USP6NL: variants seen among roughly 807,000 people sequenced by gnomAD.
USP6NL encodes the protein USP6 N-terminal-like protein.
USP6NL carries 26 observed loss-of-function variants against 61.9 expected under a neutral mutation model. The observed-to-expected ratio is 0.42, with a 90% CI of 0.31 to 0.58. USP6NL has a LOEUF of 0.58. Ranked by LOEUF, USP6NL falls within the 20% of genes least tolerant of loss-of-function variation. USP6NL has a pLI of 0.16. For synonymous variants in USP6NL, 432 were observed against 390.1 expected, an observed-to-expected ratio of 1.11 and a Z score of -1.27; for missense variants, 1,114 against 1,034.3, an observed-to-expected ratio of 1.08 and a Z score of -1.06.
rs907241999 is a variant in USP6NL at position 11,487,289 on chromosome 10, A to T, written c.665-1378T>A. On this transcript the variant is annotated intron_variant, in intron 10 of 14. Transcript: ENST00000609104. The surrounding 1 kb of genome is among the most constrained non-coding windows in gnomAD (Gnocchi z 4.2). ...CATTTATAAGTGAAACCACCTTCACACTAGAAAGTAACCTTTAGTTATAAA... is the reference window on the plus strand; with the variant it reads ...CATTTATAAGTGAAACCACCTTCACTCTAGAAAGTAACCTTTAGTTATAAA... 1.3e-5 allele frequency among the ~76,000 whole-genome samples: 2 copies of T among 152,226 alleles called. No homozygotes were observed. Among genetic ancestry groups the T allele is most frequent in the Non-Finnish European group, 2.9e-5 (2 of 68,038 alleles).
intron 7 of USP6NL, among the ~76,000 whole-genome samples, chr10:11,494,218 T>C (rs1259474156): frequency 6.6e-6 from 1 of 152,218 alleles, no homozygotes; most frequent in Non-Finnish European, 1.5e-5. Flanking sequence ...ATTCTGTTTC[T>C]TTATGTGCAA....
Position 11,584,625 on chromosome 10 carries a change from G to A in USP6NL, c.4+13006C>T, listed in dbSNP as rs371689442. Among the ~76,000 whole-genome samples, 8 of 152,114 alleles carry A rather than the reference G, an allele frequency of 5.3e-5. No homozygotes were observed. The East Asian group carries it at 9.7e-4, about 18-fold the overall frequency. On this transcript the variant is annotated intron_variant, in intron 2 of 14. Transcript: ENST00000609104. ...ATCTCTCCTCTGACCATCACAAAATGGTACATGTCTCAAAATAAAACTATA... is the reference window on the plus strand; with the variant it reads ...ATCTCTCCTCTGACCATCACAAAATAGTACATGTCTCAAAATAAAACTATA...
intron 1 of USP6NL, among the ~76,000 whole-genome samples, chr10:11,603,583 G>T (rs1838620235): frequency 6.6e-6 from 1 of 152,144 alleles, no homozygotes; most frequent in Admixed American, 6.5e-5. Context: ...ACAAAGAAAA[G>T]AGTAAATAAT....
chr10:11,466,595 A>C (rs1365149227), intron 14 of USP6NL, among the ~76,000 whole-genome samples: 1 of 152,256 alleles, frequency 6.6e-6, no homozygotes, highest in Non-Finnish European at 1.5e-5. Flanking sequence ...CGACATATAG[A>C]AGATGCTTAG....
intron 2 of USP6NL, among the ~76,000 whole-genome samples, chr10:11,555,433 A>AAAAAAAAAAAAAAAAT (rs1275798295): frequency 2.0e-5 from 1 of 49,040 alleles, no homozygotes; most frequent in Non-Finnish European, 3.4e-5. Flanking sequence ...AAAAAAAAAA[A>AAAAAAAAAAAAAAAAT]ATATATATAT....
chr10:11,472,135 C>T lies in USP6NL; in HGVS notation c.1079-8286G>A, dbSNP rs11257112. 2.0e-5 allele frequency among the ~76,000 whole-genome samples: 3 copies of T among 152,196 alleles called. No homozygotes were observed. In the East Asian group the frequency reaches 5.8e-4, roughly 29 times the overall value. On this transcript the variant is annotated intron_variant, in intron 14 of 14. Transcript: ENST00000609104. The stretch of plus-strand genomic sequence containing the variant: ...CGGCAGTGCTAACAATTAGAATAAT[C>T]GCTTCAACAAAAAGGAATGTAACTT...
chr10:11,500,245 T>C (rs577526629), intron 7 of USP6NL, among the ~76,000 whole-genome samples: 2 of 152,232 alleles, frequency 1.3e-5, no homozygotes, highest in South Asian at 4.1e-4. Flanking sequence ...GGTGATGGGA[T>C]GATCTATGCA....
intron 7 of USP6NL, among the ~76,000 whole-genome samples, chr10:11,500,005 A>G (rs1834109631): frequency 6.6e-6 from 1 of 152,198 alleles, no homozygotes; most frequent in Admixed American, 6.5e-5. Flanking sequence ...CTCAGACATC[A>G]TGTCCTTTGC....
intron 14 of USP6NL, among the ~76,000 whole-genome samples, chr10:11,471,151 C>G (rs1832726558): frequency 6.6e-6 from 1 of 152,132 alleles, no homozygotes; most frequent in African/African-American, 2.4e-5. Flanking sequence ...CCACTGCACT[C>G]CAGCCTGGGC....
intron 2 of USP6NL, among the ~76,000 whole-genome samples, chr10:11,544,894 G>A (rs1382349037): frequency 6.6e-6 from 1 of 152,150 alleles, no homozygotes; most frequent in Non-Finnish European, 1.5e-5. Flanking sequence ...TAAAAATCAT[G>A]AAGCAAAATT....
intron 13 of USP6NL, among the ~76,000 whole-genome samples, chr10:11,484,081 T>A (rs1833356647): frequency 6.6e-6 from 1 of 152,190 alleles, no homozygotes; most frequent in Non-Finnish European, 1.5e-5. Context: ...TCAATTAGTT[T>A]ATAATTTAGT....
chr10:11,555,828 T>C (rs1836688840), intron 2 of USP6NL, among the ~76,000 whole-genome samples: 1 of 152,206 alleles, frequency 6.6e-6, no homozygotes, highest in Non-Finnish European at 1.5e-5. Flanking sequence ...AAACAGAAAC[T>C]ATGAAAGTCA....
chr10:11,508,304 T>C (rs976305449), intron 6 of USP6NL, among the ~76,000 whole-genome samples: 2 of 152,220 alleles, frequency 1.3e-5, no homozygotes, highest in African/African-American at 4.8e-5. Context: ...GAAATCTTCA[T>C]CCCTTTGAAA....
chr10:11,584,235 G>T (rs1457747743), intron 2 of USP6NL, among the ~76,000 whole-genome samples: 2 of 152,134 alleles, frequency 1.3e-5, no homozygotes, highest in African/African-American at 4.8e-5. Flanking sequence ...ATTTAGCTCT[G>T]TGTGTATAGC....
intron 2 of USP6NL, among the ~76,000 whole-genome samples, chr10:11,579,177 A>C (rs1176878644): frequency 6.6e-6 from 1 of 152,220 alleles, no homozygotes; most frequent in African/African-American, 2.4e-5. Flanking sequence ...AACCAAGAAG[A>C]ATGTGCTAAG....
rs1566110020 is a variant in USP6NL at position 11,463,861 on chromosome 10, GAGAA to G, written c.1079-16_1079-13del. 1 of 1,457,152 alleles carries G rather than the reference GAGAA, an allele frequency of 6.9e-7. No homozygotes were observed. The highest frequency in any genetic ancestry group is 2.5e-5 in the East Asian group (1 of 40,166). The allele number at this position is 1,457,152 out of a possible 1,614,324, so 90.3% of individuals were successfully genotyped here. The stretch of plus-strand genomic sequence containing the variant: ...TTCATCCTCTTTACCTGAAAAGAAA[GAGAA>G]AGGCTAAGTAAGATAATACACGAGT... On this transcript the variant is annotated splice_polypyrimidine_tract_variant and intron_variant, in intron 14 of 14. Transcript: ENST00000609104. The surrounding 1 kb of genome is among the most constrained non-coding windows in gnomAD (Gnocchi z 6.3).
At position 11,496,955 on chromosome 10, in the gene USP6NL, G is replaced by C. The variant is rs1833954464; in HGVS notation, c.385-3727C>G. 6.6e-6 allele frequency among the ~76,000 whole-genome samples: 1 copy of C among 152,040 alleles called. No individual in the cohort carries two copies. The highest frequency in any genetic ancestry group is 1.5e-5 in the Non-Finnish European group (1 of 68,012). ...ATGTTTCAGAATTCTCAAGACAGAG[G>C]AAGACATTTAGAGTATTGTATTAGA... On this transcript the variant is annotated intron_variant, in intron 7 of 14. Transcript: ENST00000609104. This position sits in a 1 kb window ranked among gnomAD's most constrained non-coding sequence, Gnocchi z 5.4.
At chr10:11,577,179 T>A (rs1347410886) in intron 2 of USP6NL, among the ~76,000 whole-genome samples, 1 of 150,858 alleles carries the variant, frequency 6.6e-6, no homozygotes, top group Non-Finnish European at 1.5e-5. Flanking sequence ...TGCCTCAGCC[T>A]CCAGAGTAGC....
intron 2 of USP6NL, among the ~76,000 whole-genome samples, chr10:11,565,829 T>C (rs1837129146): frequency 6.6e-6 from 1 of 152,098 alleles, no homozygotes; most frequent in Non-Finnish European, 1.5e-5. Context: ...ACATCACAGG[T>C]GGCAGAATGG....
Sources: gnomAD v4.1 joint callset for allele counts (sites outside exome capture counted in the v4.1 genomes callset) on GRCh38, gnomAD v4.1.1 for gene constraint, Gnocchi (gnomAD v3.1) non-coding constraint, MANE v1.5 for transcripts, NCBI Gene and HGNC (gene_info 2026-07-23, HGNC 2026-07-21) for gene names.